The following HSP90AB1 variants were observed in gnomAD, a reference collection of about 807,000 sequenced individuals.
HSP90AB1 encodes the protein heat shock protein HSP 90-beta.
A neutral mutation model predicts 67.8 loss-of-function variants in HSP90AB1; 17 were observed. That is an observed-to-expected ratio of 0.25 (90% CI 0.17 to 0.38). The LOEUF (loss-of-function observed/expected upper bound fraction) is 0.38. Ranked by LOEUF, HSP90AB1 falls within the 10% of genes least tolerant of loss-of-function variation. HSP90AB1 has a pLI of 1.00. For synonymous variants in HSP90AB1, 390 were observed against 312.9 expected (o/e 1.25, Z -2.60); for missense variants, 690 against 899.9 (o/e 0.77, Z 2.98).
Position 44,251,789 on chromosome 6 carries a change from G to A in HSP90AB1, c.1367G>A (p.Arg456His), listed in dbSNP as rs920937641. 5.0e-6 allele frequency: 8 copies of A among 1,613,370 alleles called. No individual in the cohort carries two copies. The highest frequency in any genetic ancestry group is 1.7e-5 in the Admixed American group (1 of 60,020). The change falls in exon 9 of 12, where the codon CGC (arginine) becomes CAC (histidine). Residue 456 changes from arginine to histidine, a missense_variant. This residue lies in a region of HSP90AB1 where 206 missense variants were observed against 221.4 expected (regional missense o/e 0.93). Coordinates refer to ENST00000371646, the MANE Select transcript of HSP90AB1 (RefSeq NM_007355.4). ...TNRRRLSELL[R>H]YHTSQSGDEM... is the part of the protein sequence containing the mutation. ...CGCCGCCGCCTGTCTGAGCTGCTGCGCTATCATACCTCCCAGTCTGGAGAT... is the reference window on the plus strand; with the variant it reads ...CGCCGCCGCCTGTCTGAGCTGCTGCACTATCATACCTCCCAGTCTGGAGAT...
intron 7 of HSP90AB1, 72 bp downstream of exon 7, chr6:44,251,285 T>G: frequency 1.3e-6 from 2 of 1,573,766 alleles, no homozygotes; most frequent in Non-Finnish European, 1.7e-6. Context: ...TAGGATATTC[T>G]AAGGTAACAG....
chr6:44,246,472 T>TGCC (rs1002516576), upstream of HSP90AB1: 4 of 153,014 alleles, frequency 2.6e-5, no homozygotes, highest in Non-Finnish European at 4.4e-5. Flanking sequence ...AATGCCGCAG[T>TGCC]GCCGCCGCCG....
Position 44,251,461 on chromosome 6 carries a change from C to T in HSP90AB1, c.1167C>T (p.Asn389=), listed in dbSNP as rs1024917757. 27 of 1,609,300 alleles carry T rather than the reference C, an allele frequency of 1.7e-5. No individual in the cohort carries two copies. The highest frequency in any genetic ancestry group is 2.3e-5 in the Non-Finnish European group (27 of 1,177,268). ...TTGACTCTGAGGATCTGCCCCTGAA[C>T]ATCTCCCGAGAAATGCTCCAGCAGA... ...GVVDSEDLPL[N]ISREMLQQSK... is the part of the protein sequence containing the mutation. The change falls in exon 8 of 12, where the codon AAC becomes AAT. Residue 389 remains asparagine (N), a synonymous_variant. Transcript: ENST00000371646.
chr6:44,249,335 G>A (rs759151844), intron 2 of HSP90AB1, 42 bp from the exon 3 acceptor site: 2 of 1,518,622 alleles, frequency 1.3e-6, no homozygotes, highest in African/African-American at 2.7e-5. Context: ...GCAAGAGTCT[G>A]TCTTGGAAAG....
In HSP90AB1 at chr6:44,249,558, C is replaced by T; in HGVS notation, c.329C>T (p.Thr110Ile). The change falls in exon 3 of 12, where the codon ACT becomes ATT. Residue 110 changes from threonine (T) to isoleucine (I), a missense_variant. By Grantham distance (89) the Thr-to-Ile change is moderately conservative. Transcript: ENST00000371646. ...TTGGGAACCATTGCCAAGTCTGGTA[C>T]TAAAGCATTCATGGAGGCTCTTCAG... is the stretch of plus-strand genomic sequence containing the variant. ...NNLGTIAKSG[T>I]KAFMEALQAG... 1 of 1,614,090 alleles carries T rather than the reference C, an allele frequency of 6.2e-7. No homozygotes were observed. The highest frequency in any genetic ancestry group is 8.5e-7 in the Non-Finnish European group (1 of 1,179,928).
intron 10 of HSP90AB1, among the ~76,000 whole-genome samples, 163 bp downstream of exon 10, chr6:44,252,430 A>T (rs1780769538): frequency 6.6e-6 from 1 of 152,166 alleles, no homozygotes; most frequent in African/African-American, 2.4e-5. Flanking sequence ...TATTTTAATA[A>T]AATTTGGCAC....
At chr6:44,247,585 C>T (rs1392017258) in intron 1 of HSP90AB1, among the ~76,000 whole-genome samples, 2 of 152,224 alleles carry the variant, frequency 1.3e-5, no homozygotes, top group Non-Finnish European at 2.9e-5. Flanking sequence ...TCGGGTGACT[C>T]AGCACGGCCT....
chr6:44,252,672 AT>A (rs1780832965), intron 10 of HSP90AB1, among the ~76,000 whole-genome samples: 1 of 151,802 alleles, frequency 6.6e-6, no homozygotes, highest in Non-Finnish European at 1.5e-5. Flanking sequence ...AATTTTTTGT[AT>A]TTTTAGTAGA....
chr6:44,248,979 G>A (rs895644652), intron 2 of HSP90AB1, among the ~76,000 whole-genome samples: 7 of 152,160 alleles, frequency 4.6e-5, no homozygotes, highest in Non-Finnish European at 8.8e-5. Flanking sequence ...GAACTAACTG[G>A]TTCTAAAGCC....
At chr6:44,250,634 A>T (rs770540234) in intron 6 of HSP90AB1, 35 bp downstream of exon 6, 1 of 1,170,718 alleles carries the variant, frequency 8.5e-7, no homozygotes, top group Non-Finnish European at 1.3e-6. Flanking sequence ...CTCAACATGC[A>T]CATATGGAGA....
In HSP90AB1 at chr6:44,250,302, A is replaced by T; in HGVS notation, c.660A>T (p.Glu220Asp). Residue 220 changes from glutamate to aspartate, a missense_variant, in exon 6 of 12, where the codon GAA becomes GAT. By Grantham distance (45) the Glu-to-Asp change is conservative. Transcript: ENST00000371646. ...GYPITLYLEK[E>D]REKEISDDEA... ...TTTTTGTTACTTAGTTGGAGAAGGA[A>T]CGAGAGAAGGAAATTAGTGATGATG... 1 of 1,613,614 alleles carries T rather than the reference A, an allele frequency of 6.2e-7. No individual in the cohort carries two copies. The highest frequency in any genetic ancestry group is 8.5e-7 in the Non-Finnish European group (1 of 1,179,770).
chr6:44,252,642 C>A (rs1780822627), intron 10 of HSP90AB1, among the ~76,000 whole-genome samples: 1 of 152,144 alleles, frequency 6.6e-6, no homozygotes, highest in Non-Finnish European at 1.5e-5. Context: ...ACTACAGGCG[C>A]CCGCCACCAC....
intron 4 of HSP90AB1, 83 bp downstream of exon 4, chr6:44,249,917 C>G (rs9367190): frequency 6.3e-7 from 1 of 1,584,762 alleles, no homozygotes; most frequent in African/African-American, 1.3e-5. Context: ...GGCATCCTGT[C>G]TGTAAAGCAG....
chr6:44,248,558 T>C, intron 1 of HSP90AB1, 72 bp from the exon 2 acceptor site: 1 of 1,433,462 alleles, frequency 7.0e-7, no homozygotes, highest in Non-Finnish European at 9.6e-7. Flanking sequence ...TCCTAACAAA[T>C]GATATGACCT....
chr6:44,249,753 G>A lies in HSP90AB1; in HGVS notation c.433G>A (p.Val145Met). ...CTACTTGGTGGCAGAGAAAGTGGTT[G>A]TGATCACAAAGCACAACGATGATGA... The part of the protein sequence containing the change: ...SAYLVAEKVV[V>M]ITKHNDDEQY... The change falls in exon 4 of 12, where the codon GTG becomes ATG. Residue 145 changes from valine (V) to methionine (M), a missense_variant. Physicochemically the swap from Val to Met is conservative, Grantham distance 21. Around this residue, in one of 7 missense-constraint regions of HSP90AB1, gnomAD observed 88 missense variants for 167.7 expected, o/e 0.52. Transcript: ENST00000371646. 1.2e-6 allele frequency: 2 copies of A among 1,614,100 alleles called. No individual in the cohort carries two copies. The highest frequency in any genetic ancestry group is 1.7e-6 in the Non-Finnish European group (2 of 1,180,008).
chr6:44,247,060 TGCTTC>T (rs760493806), upstream of HSP90AB1: 10 of 152,354 alleles, frequency 6.6e-5, no homozygotes, highest in East Asian at 9.7e-4. Flanking sequence ...GGCTGTACTG[TGCTTC>T]GCCTTATATA....
At chr6:44,248,589 G>A (rs774219552) in intron 1 of HSP90AB1, 41 bp from the exon 2 acceptor site, 1 of 1,582,506 alleles carries the variant, frequency 6.3e-7, no homozygotes, top group African/African-American at 1.4e-5. Context: ...TAAACATGGG[G>A]CCTTAGTGTT....
At chr6:44,246,662 G>A (rs1046148455), upstream of HSP90AB1, among the ~76,000 whole-genome samples, 3 of 152,344 alleles carry the variant, frequency 2.0e-5, no homozygotes, top group South Asian at 6.2e-4. Context: ...CGCGAGATGT[G>A]TAGGGCAGAT....
Position 44,251,609 on chromosome 6 carries a change from G to A in HSP90AB1, c.1314+1G>A, listed in dbSNP as rs1258121985. ...TGAGGCATTCTCTAAAAATCTCAAG[G>A]TAAAAAGGCAAATAATGCTTATTCC... On this transcript the variant is annotated splice_donor_variant, in intron 8 of 11. Transcript: ENST00000371646. LOFTEE classifies it high-confidence loss of function. 1 of 1,600,002 alleles carries A rather than the reference G, an allele frequency of 6.2e-7. No individual in the cohort carries two copies. Among genetic ancestry groups the A allele is most frequent in the Non-Finnish European group, 8.5e-7 (1 of 1,171,602 alleles).
Sources: gnomAD v4.1 joint callset for allele counts (sites outside exome capture counted in the v4.1 genomes callset) on GRCh38, gnomAD v4.1.1 for gene constraint, gnomAD v4.1.1 regional missense constraint, MANE v1.5 for transcripts, NCBI Gene and HGNC (gene_info 2026-07-23, HGNC 2026-07-21) for gene names.